ARL15: variants seen among roughly 807,000 people sequenced by gnomAD.
The protein encoded by ARL15 is ARF like GTPase 15.
ARL15 carries 19 observed loss-of-function variants against 25.2 expected under a neutral mutation model. The ratio of observed to expected loss-of-function variants is 0.75; its 90% confidence interval spans 0.53 to 1.10. The LOEUF (loss-of-function observed/expected upper bound fraction) is 1.10. Among genes scored for constraint, ARL15 ranks in the 50% least tolerant of loss-of-function variants. The pLI, the probability that ARL15 is intolerant of heterozygous loss-of-function variation, is 0.00. For synonymous variants in ARL15, 94 were observed against 86.8 expected (o/e 1.08, Z -0.46); for missense variants, 220 against 246.0 (o/e 0.89, Z 0.71).
At chr5:54,204,069 C>T (rs1357239050) in intron 1 of ARL15, among the ~76,000 whole-genome samples, 1 of 152,032 alleles carries the variant, frequency 6.6e-6, no homozygotes, top group African/African-American at 2.4e-5. Context: ...GAAGCTGCTA[C>T]CTAAACAACT....
chr5:53,959,966 G>A (rs1747307850), intron 4 of ARL15, among the ~76,000 whole-genome samples: 1 of 152,044 alleles, frequency 6.6e-6, no homozygotes, highest in South Asian at 2.1e-4. Flanking sequence ...TGTGCCTGGA[G>A]CAGTGTCTGA....
rs1213693429 is a variant in ARL15 at position 54,129,279 on chromosome 5, C to A, written c.254-15869G>T. Among the ~76,000 whole-genome samples the A allele has an allele frequency of 4.6e-5, 7 of 151,968 alleles. No homozygotes were observed. In the East Asian group the frequency reaches 1.2e-3, roughly 25 times the overall value. ...AACAGAAATGTCTCCAAATTAATAACCTAAAGCTCCCATGCTTAACATTCT... is the reference window on the plus strand; with the variant it reads ...AACAGAAATGTCTCCAAATTAATAAACTAAAGCTCCCATGCTTAACATTCT... On this transcript the variant is annotated intron_variant, in intron 3 of 4. Transcript: ENST00000504924.
rs114765878 is a variant in ARL15, at chr5:53,983,428, G to C, written c.463-96715C>G. 6.8e-3 allele frequency among the ~76,000 whole-genome samples: 1,034 copies of C among 152,080 alleles called. 10 individuals are homozygous for C. Among genetic ancestry groups the C allele is most frequent in the African/African-American group, 0.024 (991 of 41,462 alleles). ...AGAAACTTCTGAAATTTTCAGTTTG[G>C]GGACTCTGGTCTCCAAAGCATGTGG... On this transcript the variant is annotated intron_variant, in intron 4 of 4. Coordinates refer to ENST00000504924, the MANE Select transcript of ARL15 (RefSeq NM_019087.3).
intron 1 of ARL15, among the ~76,000 whole-genome samples, chr5:54,299,319 C>A (rs567619420): frequency 5.9e-5 from 9 of 152,282 alleles, no homozygotes; most frequent in Non-Finnish European, 1.2e-4. Flanking sequence ...TCCCACACAA[C>A]TGAACCCTCA....
At chr5:54,131,285 T>C (rs1288919438) in intron 3 of ARL15, among the ~76,000 whole-genome samples, 1 of 152,238 alleles carries the variant, frequency 6.6e-6, no homozygotes, top group Non-Finnish European at 1.5e-5. Context: ...CTTGAATCTT[T>C]TCACACCATT....
chr5:54,308,466 A>G (rs988783793), intron 1 of ARL15, among the ~76,000 whole-genome samples: 3 of 152,220 alleles, frequency 2.0e-5, no homozygotes, highest in African/African-American at 7.2e-5. Context: ...AGCCAAGTCA[A>G]ATTTGAGGCC....
At chr5:54,251,943 A>G (rs1186358510) in intron 1 of ARL15, among the ~76,000 whole-genome samples, 1 of 152,254 alleles carries the variant, frequency 6.6e-6, no homozygotes, top group Non-Finnish European at 1.5e-5. Flanking sequence ...TCCCATAGTC[A>G]ATCAAAGTTG....
intron 1 of ARL15, among the ~76,000 whole-genome samples, chr5:54,290,759 T>C (rs1284323144): frequency 6.6e-6 from 1 of 152,236 alleles, no homozygotes; most frequent in Non-Finnish European, 1.5e-5. Context: ...ATCCAGAGTA[T>C]GAATTCATCT....
intron 1 of ARL15, chr5:54,282,602 A>G: frequency 1.0e-6 from 1 of 974,660 alleles, no homozygotes; most frequent in Non-Finnish European, 1.2e-6. Flanking sequence ...ACTTATTGTA[A>G]TGGTTTAATT....
intron 4 of ARL15, among the ~76,000 whole-genome samples, chr5:54,007,256 G>A (rs1749076412): frequency 6.6e-6 from 1 of 152,086 alleles, no homozygotes. Context: ...GATCCGCCTT[G>A]GGCTCTTTGT....
intron 4 of ARL15, among the ~76,000 whole-genome samples, chr5:53,896,310 A>G (rs1428745618): frequency 6.6e-6 from 1 of 152,206 alleles, no homozygotes; most frequent in East Asian, 1.9e-4. Context: ...CTGGGATTAC[A>G]GGTGTGAGCC....
At chr5:53,909,507 G>C (rs1250786000) in intron 4 of ARL15, among the ~76,000 whole-genome samples, 1 of 152,196 alleles carries the variant, frequency 6.6e-6, no homozygotes, top group African/African-American at 2.4e-5. Context: ...AGGAGTTCGA[G>C]ACCAGCCTGA....
At chr5:54,217,070 G>A (rs1254433752) in intron 1 of ARL15, among the ~76,000 whole-genome samples, 1 of 151,994 alleles carries the variant, frequency 6.6e-6, no homozygotes, top group Non-Finnish European at 1.5e-5. Flanking sequence ...AGGAAAACGA[G>A]ATAAACAGTT....
chr5:54,181,245 T>C (rs1444310496), intron 1 of ARL15, among the ~76,000 whole-genome samples: 1 of 152,200 alleles, frequency 6.6e-6, no homozygotes, highest in Non-Finnish European at 1.5e-5. Context: ...ATCTAATTCT[T>C]ACATTGTAAT....
At chr5:54,101,917 G>A (rs1391392336) in intron 4 of ARL15, among the ~76,000 whole-genome samples, 1 of 151,866 alleles carries the variant, frequency 6.6e-6, no homozygotes, top group Admixed American at 6.6e-5. Context: ...CATATTCATG[G>A]CTGTCTATTT....
intron 1 of ARL15, among the ~76,000 whole-genome samples, chr5:54,308,452 A>T (rs1270681719): frequency 6.6e-6 from 1 of 152,242 alleles, no homozygotes; most frequent in Non-Finnish European, 1.5e-5. Flanking sequence ...AAAGCTTTTT[A>T]AAAAGCCAAG....
chr5:54,256,088 T>G (rs1171835852), intron 1 of ARL15, among the ~76,000 whole-genome samples: 1 of 148,718 alleles, frequency 6.7e-6, no homozygotes, highest in African/African-American at 2.5e-5. Flanking sequence ...CAGAACTAAA[T>G]GAAACTGAAA....
At chr5:54,227,193 G>A (rs1458184563) in intron 1 of ARL15, among the ~76,000 whole-genome samples, 2 of 152,122 alleles carry the variant, frequency 1.3e-5, no homozygotes, top group Non-Finnish European at 2.9e-5. Context: ...AGGAAATAAC[G>A]CTGCTTCTGT....
intron 4 of ARL15, among the ~76,000 whole-genome samples, chr5:54,063,100 A>G (rs1267691340): frequency 6.6e-6 from 1 of 152,232 alleles, no homozygotes; most frequent in Non-Finnish European, 1.5e-5. Context: ...CATGAGGCAT[A>G]GGATGTCAGG....
Sources: gnomAD v4.1 joint callset for allele counts (sites outside exome capture counted in the v4.1 genomes callset) on GRCh38, gnomAD v4.1.1 for gene constraint, MANE v1.5 for transcripts, NCBI Gene and HGNC (gene_info 2026-07-23, HGNC 2026-07-21) for gene names.